The following PTPRE variants were observed in gnomAD, a reference collection of about 807,000 sequenced individuals.
The protein encoded by PTPRE is receptor-type tyrosine-protein phosphatase epsilon.
A neutral mutation model predicts 102.0 loss-of-function variants in PTPRE; 51 were observed. That is an observed-to-expected ratio of 0.50 (90% confidence interval 0.40 to 0.63). PTPRE has a LOEUF of 0.63. Ranked by LOEUF, PTPRE falls within the 30% of genes least tolerant of loss-of-function variation. PTPRE has a pLI of 0.00. For synonymous variants in PTPRE, 345 were observed against 348.2 expected, an observed-to-expected ratio of 0.99 and a Z score of 0.10; for missense variants, 752 against 915.1, an observed-to-expected ratio of 0.82 and a Z score of 2.30.
chr10:128,001,211 T>A (rs1853851032), intron 2 of PTPRE, among the ~76,000 whole-genome samples: 1 of 152,024 alleles, frequency 6.6e-6, no homozygotes, highest in South Asian at 2.1e-4. Context: ...TGTGTGTGTG[T>A]GCATGTGTGT....
At chr10:127,916,855 A>T (rs981810124) in intron 1 of PTPRE, among the ~76,000 whole-genome samples, 2 of 152,158 alleles carry the variant, frequency 1.3e-5, no homozygotes, top group African/African-American at 4.8e-5. Context: ...CATTCTCCAG[A>T]AAAACGCATG....
chr10:128,019,857 G>T (rs1845726675), intron 2 of PTPRE, among the ~76,000 whole-genome samples: 1 of 152,234 alleles, frequency 6.6e-6, no homozygotes, highest in Admixed American at 6.5e-5. Context: ...CCTCTCATCT[G>T]GGCAGTGAGG....
chr10:128,062,851 C>A, intron 9 of PTPRE: 2 of 635,666 alleles, frequency 3.1e-6, no homozygotes, highest in Non-Finnish European at 5.1e-6. Flanking sequence ...ATAACTCAAC[C>A]TGGGCCCAAT....
rs192477223 is a variant in PTPRE, at chr10:128,030,507, G to A, written c.-7-10368G>A. 9.3e-4 allele frequency among the ~76,000 whole-genome samples: 141 copies of A among 152,288 alleles called. 2 individuals carry two copies. The highest frequency in any genetic ancestry group is 6.6e-4 in the Non-Finnish European group (45 of 68,022). ...TGGCCCGGGCCCTTCAGAAAGTGCC[G>A]TGAGTTGATGTGCTGGAGAGAATCC... is the stretch of plus-strand genomic sequence containing the variant. On this transcript the variant is annotated intron_variant, in intron 2 of 20. Coordinates refer to ENST00000254667, the MANE Select transcript of PTPRE (RefSeq NM_006504.6).
rs1426270249 is a variant in PTPRE, at chr10:127,908,446, AG to A, written c.-31+1144del. On this transcript the variant is annotated intron_variant, in intron 1 of 20. Transcript: ENST00000254667. ...TTAAACTGTGTGTATGTGGGTGGGGAGGGGGGGTGTGGAGGGTCGTTTCCAA... is the reference window on the plus strand; with the variant it reads ...TTAAACTGTGTGTATGTGGGTGGGGAGGGGGGTGTGGAGGGTCGTTTCCAA... Among the ~76,000 whole-genome samples, 6 of 69,796 alleles carry A rather than the reference AG, an allele frequency of 8.6e-5. 1 individual carries two copies. The highest frequency in any genetic ancestry group is 1.4e-4 in the Non-Finnish European group (5 of 34,636). The allele number at this position is 69,796 out of a possible 152,430, so 45.8% of individuals were successfully genotyped here.
At chr10:127,916,605 A>C (rs1240260986) in intron 1 of PTPRE, among the ~76,000 whole-genome samples, 1 of 152,168 alleles carries the variant, frequency 6.6e-6, no homozygotes, top group Non-Finnish European at 1.5e-5. Context: ...TTCCAGACAG[A>C]GGGGCTACCA....
intron 2 of PTPRE, chr10:127,987,439 G>A (rs926154206): frequency 2.3e-5 from 22 of 946,914 alleles, no homozygotes; most frequent in Non-Finnish European, 2.7e-5. Context: ...CTTTGGTTTT[G>A]TGTCATGGTT....
rs2135595212 is a variant in PTPRE, at chr10:128,008,982, C to A, written c.-8+26686C>A. 2.0e-5 allele frequency among the ~76,000 whole-genome samples: 3 copies of A among 152,244 alleles called. No individual in the cohort carries two copies. The East Asian group carries it at 5.8e-4, about 29-fold the overall frequency. ...TTACTTTGTTTCCTGCAAATCTTACCAGGAGTGCACCTTGTCAGTCAGGGG... is the reference window on the plus strand; with the variant it reads ...TTACTTTGTTTCCTGCAAATCTTACAAGGAGTGCACCTTGTCAGTCAGGGG... On this transcript the variant is annotated intron_variant, in intron 2 of 20. Coordinates refer to ENST00000254667, the MANE Select transcript of PTPRE (RefSeq NM_006504.6). The surrounding 1 kb of genome is among the most constrained non-coding windows in gnomAD (Gnocchi z 4.0).
intron 19 of PTPRE, 144 bp downstream of exon 19, chr10:128,077,927 A>C (rs951403351): frequency 7.0e-6 from 6 of 853,276 alleles, no homozygotes; most frequent in African/African-American, 3.4e-5. Context: ...CCTTACACAC[A>C]TGCACACACG....
intron 1 of PTPRE, among the ~76,000 whole-genome samples, chr10:127,977,808 C>A (rs1343247594): frequency 2.0e-5 from 3 of 152,204 alleles, no homozygotes; most frequent in Non-Finnish European, 4.4e-5. Context: ...TGCCCCCCTT[C>A]CTAAGGGTGG....
rs1401323215 is a variant in PTPRE, at chr10:128,070,990, C to A, written c.1387+89C>A. On this transcript the variant is annotated intron_variant, in intron 15 of 20. Transcript: ENST00000254667. This position sits in a 1 kb window ranked among gnomAD's most constrained non-coding sequence, Gnocchi z 4.8. ...CTGGAGAAGCCATTGACCGCTTACC[C>A]CTGTGCACCAGGGTCAAAAGCAGGG... 3.0e-6 allele frequency: 4 copies of A among 1,319,506 alleles called. No individual in the cohort carries two copies. The highest frequency in any genetic ancestry group is 4.3e-6 in the Non-Finnish European group (4 of 932,734). 81.7% of individuals were successfully genotyped at this position (1,319,506 alleles called of 1,614,324 possible). A position where few individuals can be genotyped will look rare whatever the true frequency, so the allele number is the denominator to read the frequency against.
intron 1 of PTPRE, among the ~76,000 whole-genome samples, chr10:127,969,635 T>C (rs1850541048): frequency 7.6e-6 from 1 of 132,364 alleles, no homozygotes; most frequent in African/African-American, 2.9e-5. Flanking sequence ...GCCACTGCAC[T>C]CCACCCTGGC....
chr10:128,063,837 C>T (rs771568422), intron 10 of PTPRE, among the ~76,000 whole-genome samples: 8 of 151,690 alleles, frequency 5.3e-5, no homozygotes, highest in Non-Finnish European at 1.2e-4. Context: ...AGCCTGGGTG[C>T]GGGGGTGGGG....
Position 127,982,278 on chromosome 10 carries a change from T to C in PTPRE, c.-26T>C. ...TTTTTCTTCTTTCTTCTTCAGACTA[T>C]AGCCTTCACTTTCCCTCGGTGAGTA... On this transcript the variant is annotated 5_prime_UTR_variant, in exon 2 of 21. The change abolishes the stop of an existing upstream ORF in the 5' untranslated region. Transcript: ENST00000254667. 1 of 1,270,044 alleles carries C rather than the reference T, an allele frequency of 7.9e-7. No homozygotes were observed. Among genetic ancestry groups the C allele is most frequent in the Non-Finnish European group, 1.0e-6 (1 of 975,196 alleles). 78.7% of individuals were successfully genotyped at this position (1,270,044 alleles called of 1,614,324 possible).
chr10:127,940,140 G>A (rs1176458805), intron 1 of PTPRE, among the ~76,000 whole-genome samples: 1 of 152,122 alleles, frequency 6.6e-6, no homozygotes, highest in Non-Finnish European at 1.5e-5. Flanking sequence ...GAGACAGGAA[G>A]AGGCAAGAGG....
At chr10:128,006,475 G>A (rs746916574) in intron 2 of PTPRE, among the ~76,000 whole-genome samples, 8 of 152,200 alleles carry the variant, frequency 5.3e-5, no homozygotes, top group Non-Finnish European at 8.8e-5. Context: ...ACTAAATAGA[G>A]TCCAGGAGGT....
At chr10:128,058,353 T>C (rs1849196195) in intron 7 of PTPRE, among the ~76,000 whole-genome samples, 1 of 152,232 alleles carries the variant, frequency 6.6e-6, no homozygotes, top group African/African-American at 2.4e-5. Flanking sequence ...TGGAGTCAGT[T>C]GGCATTTCCT....
intron 2 of PTPRE, among the ~76,000 whole-genome samples, chr10:127,986,800 C>A (rs749627209): frequency 1.3e-5 from 2 of 152,228 alleles, no homozygotes; most frequent in African/African-American, 4.8e-5. Context: ...GCTGGGGTGA[C>A]GTTTCCAGCA....
At chr10:127,919,334 T>C (rs1020303823) in intron 1 of PTPRE, among the ~76,000 whole-genome samples, 1 of 152,224 alleles carries the variant, frequency 6.6e-6, no homozygotes, top group Non-Finnish European at 1.5e-5. Flanking sequence ...CCCTTGCGCT[T>C]TAGATGTTAA....
Sources: gnomAD v4.1 joint callset for allele counts (sites outside exome capture counted in the v4.1 genomes callset) on GRCh38, gnomAD v4.1.1 for gene constraint, Gnocchi (gnomAD v3.1) non-coding constraint, MANE v1.5 for transcripts, NCBI Gene and HGNC (gene_info 2026-07-23, HGNC 2026-07-21) for gene names.